NCALD: variants seen among roughly 807,000 people sequenced by gnomAD.
NCALD encodes the protein neurocalcin-delta.
In NCALD, 10 loss-of-function variants were observed where a neutral mutation model predicts 18.6. That is an observed-to-expected ratio of 0.54 (90% CI 0.33 to 0.91). The LOEUF is 0.91. NCALD is among the 40% of genes least tolerant of loss of function. The pLI, the probability that NCALD is intolerant of heterozygous loss-of-function variation, is 0.03. For missense variants in NCALD, 184 were observed against 247.6 expected (o/e 0.74, Z 1.72); for synonymous variants, 88 against 87.4 (o/e 1.01, Z -0.04).
intron 4 of NCALD, among the ~76,000 whole-genome samples, chr8:101,857,963 G>C (rs73280812): frequency 0.073 from 11,048 of 152,172 alleles, 848 homozygotes; most frequent in African/African-American, 0.2. Flanking sequence ...GTGTTAGCAA[G>C]GATGCAGAGT....
intron 2 of NCALD, among the ~76,000 whole-genome samples, chr8:101,972,127 T>G (rs1193329402): frequency 6.6e-6 from 1 of 152,096 alleles, no homozygotes; most frequent in Non-Finnish European, 1.5e-5. Flanking sequence ...ACATGCATAT[T>G]TAAACTTCTA....
chr8:101,992,470 T>C (rs1821083718), intron 2 of NCALD, among the ~76,000 whole-genome samples: 1 of 152,224 alleles, frequency 6.6e-6, no homozygotes, highest in Non-Finnish European at 1.5e-5. Flanking sequence ...TGAGGAGATC[T>C]TTCCTCCATT....
chr8:101,969,316 A>G (rs1219115708), intron 2 of NCALD, among the ~76,000 whole-genome samples: 1 of 152,198 alleles, frequency 6.6e-6, no homozygotes, highest in East Asian at 1.9e-4. Context: ...TGGTGAATTC[A>G]CTACTCAGAA....
chr8:102,100,134 A>G (rs1233126266), intron 1 of NCALD, among the ~76,000 whole-genome samples: 2 of 152,190 alleles, frequency 1.3e-5, no homozygotes, highest in African/African-American at 4.8e-5. Context: ...CAGAAATAAA[A>G]CCTAAATTAT....
intron 4 of NCALD, among the ~76,000 whole-genome samples, chr8:101,868,166 C>T (rs554578446): frequency 6.6e-6 from 1 of 152,258 alleles, no homozygotes; most frequent in Non-Finnish European, 1.5e-5. Flanking sequence ...AGGAACACTG[C>T]TTGTAGACGC....
At chr8:101,875,625 G>C (rs955899133) in intron 4 of NCALD, among the ~76,000 whole-genome samples, 1 of 151,966 alleles carries the variant, frequency 6.6e-6, no homozygotes, top group Non-Finnish European at 1.5e-5. Context: ...TTTTCAAAAC[G>C]TCCAATTAGC....
intron 2 of NCALD, among the ~76,000 whole-genome samples, chr8:101,970,767 A>G (rs190171714): frequency 4.6e-5 from 7 of 152,266 alleles, no homozygotes; most frequent in Non-Finnish European, 1.0e-4. Context: ...CCCTCACCCA[A>G]TGCCAAAAAT....
intron 1 of NCALD, among the ~76,000 whole-genome samples, chr8:102,084,432 G>A (rs1319467146): frequency 1.3e-5 from 2 of 152,214 alleles, no homozygotes; most frequent in South Asian, 2.1e-4. Flanking sequence ...AGGAAGTCAA[G>A]TACACTTGGA....
chr8:101,817,559 T>C (rs969456653), intron 4 of NCALD, among the ~76,000 whole-genome samples: 26 of 141,466 alleles, frequency 1.8e-4, no homozygotes, highest in African/African-American at 6.8e-4. Context: ...TTTTTGCTTC[T>C]TTAGCCAAGC....
intron 2 of NCALD, among the ~76,000 whole-genome samples, chr8:101,976,905 C>A (rs1315889965): frequency 1.3e-5 from 2 of 152,018 alleles, no homozygotes; most frequent in Non-Finnish European, 2.9e-5. Flanking sequence ...TGAGAGCATC[C>A]AAGGCAAAGG....
intron 1 of NCALD, among the ~76,000 whole-genome samples, chr8:102,082,334 C>G (rs941743260): frequency 6.7e-6 from 1 of 148,386 alleles, no homozygotes; most frequent in Non-Finnish European, 1.5e-5. Context: ...CCCGGATTCA[C>G]GCCATTCTCC....
intron 1 of NCALD, among the ~76,000 whole-genome samples, chr8:101,773,539 G>T (rs1047833566): frequency 6.6e-6 from 1 of 152,108 alleles, no homozygotes; most frequent in African/African-American, 2.4e-5. Flanking sequence ...GCCAGGACCA[G>T]GATTCACAAC....
At chr8:101,829,472 AC>A (rs1473825465) in intron 4 of NCALD, among the ~76,000 whole-genome samples, 1 of 152,196 alleles carries the variant, frequency 6.6e-6, no homozygotes, top group East Asian at 1.9e-4. Context: ...CATTTTGTGT[AC>A]TTCTGGCATT....
At chr8:101,840,813 C>T (rs1025725470) in intron 4 of NCALD, among the ~76,000 whole-genome samples, 1 of 152,076 alleles carries the variant, frequency 6.6e-6, no homozygotes, top group Non-Finnish European at 1.5e-5. Flanking sequence ...TTTATTACAC[C>T]ATTTATTACT....
chr8:101,960,511 C>T (rs1445581156), intron 2 of NCALD, among the ~76,000 whole-genome samples: 1 of 151,964 alleles, frequency 6.6e-6, no homozygotes, highest in African/African-American at 2.4e-5. Context: ...AAACTGGTAT[C>T]GGAAAAAATG....
chr8:101,742,494 ATT>A (rs1008410006), intron 1 of NCALD, among the ~76,000 whole-genome samples: 2 of 152,226 alleles, frequency 1.3e-5, no homozygotes, highest in African/African-American at 4.8e-5. Flanking sequence ...CAAATATAGA[ATT>A]TGACTGTATT....
intron 2 of NCALD, among the ~76,000 whole-genome samples, chr8:101,922,485 G>T (rs1818202144): frequency 6.6e-6 from 1 of 152,188 alleles, no homozygotes; most frequent in African/African-American, 2.4e-5. Flanking sequence ...GTGAAAATGG[G>T]ATTGAAAGAG....
At chr8:102,046,490 A>G (rs1823244532) in intron 1 of NCALD, among the ~76,000 whole-genome samples, 1 of 152,064 alleles carries the variant, frequency 6.6e-6, no homozygotes, top group Admixed American at 6.6e-5. Flanking sequence ...AATTCATCTC[A>G]CAATCAGTAT....
chr8:101,991,854 G>A (rs1000847244), intron 2 of NCALD, among the ~76,000 whole-genome samples: 2 of 152,134 alleles, frequency 1.3e-5, no homozygotes, highest in African/African-American at 4.8e-5. Flanking sequence ...ACCACGCAGA[G>A]CAAAAAATGG....
Sources: gnomAD v4.1 joint callset for allele counts (sites outside exome capture counted in the v4.1 genomes callset) on GRCh38, gnomAD v4.1.1 for gene constraint, MANE v1.5 for transcripts, NCBI Gene and HGNC (gene_info 2026-07-23, HGNC 2026-07-21) for gene names.